The following PPP2R2C variants were observed in gnomAD, a reference collection of about 807,000 sequenced individuals.
The protein encoded by PPP2R2C is protein phosphatase 2, regulatory subunit B, gamma.
In PPP2R2C, 10 loss-of-function variants were observed where a neutral mutation model predicts 45.3. That is an observed-to-expected ratio of 0.22 (90% CI 0.14 to 0.37). PPP2R2C has a LOEUF of 0.37. Ranked by LOEUF, PPP2R2C falls within the 10% of genes least tolerant of loss-of-function variation. The pLI, the probability that PPP2R2C is intolerant of heterozygous loss-of-function variation, is 1.00. For missense variants in PPP2R2C, 308 were observed against 619.7 expected, an observed-to-expected ratio of 0.50 and a Z score of 5.34; for synonymous variants, 257 against 245.4, an observed-to-expected ratio of 1.05 and a Z score of -0.44.
At chr4:6,529,618 C>T (rs769125840) in intron 2 of PPP2R2C, among the ~76,000 whole-genome samples, 6 of 152,180 alleles carry the variant, frequency 3.9e-5, no homozygotes, top group Non-Finnish European at 8.8e-5. Flanking sequence ...ACTCCAAAGC[C>T]CCTACCCCAT....
At chr4:6,551,031 T>C (rs1211200890) in intron 1 of PPP2R2C, among the ~76,000 whole-genome samples, 1 of 152,198 alleles carries the variant, frequency 6.6e-6, no homozygotes, top group Admixed American at 6.5e-5. Context: ...TCCGGGGCCA[T>C]GGAGCCTGGT....
At position 6,329,228 on chromosome 4, in the gene PPP2R2C, G is replaced by C; in HGVS notation, c.1052+34C>G. On this transcript the variant is annotated intron_variant, in intron 8 of 8. Coordinates refer to ENST00000382599, the MANE Select transcript of PPP2R2C (RefSeq NM_020416.4). This position sits in a 1 kb window ranked among gnomAD's most constrained non-coding sequence, Gnocchi z 5.8. ...CTGCAGGGCAGAAACCCTCCCTACG[G>C]TGAGGTGAGGTGCGGGCTGAGGTCA... 6 of 1,590,150 alleles carry C rather than the reference G, an allele frequency of 3.8e-6. No homozygotes were observed. The highest frequency in any genetic ancestry group is 4.3e-6 in the Non-Finnish European group (5 of 1,159,236).
At chr4:6,498,634 G>A (rs1481688822) in intron 2 of PPP2R2C, among the ~76,000 whole-genome samples, 1 of 152,176 alleles carries the variant, frequency 6.6e-6, no homozygotes, top group African/African-American at 2.4e-5. Flanking sequence ...ACCCTGCAGT[G>A]CGAGCTCCAA....
At chr4:6,404,034 C>A (rs188408295) in intron 1 of PPP2R2C, among the ~76,000 whole-genome samples, 1 of 152,256 alleles carries the variant, frequency 6.6e-6, no homozygotes, top group Non-Finnish European at 1.5e-5. Flanking sequence ...TGTGACATGA[C>A]CTGCCTGTGG....
At chr4:6,355,930 G>A (rs1350427396) in intron 5 of PPP2R2C, among the ~76,000 whole-genome samples, 1 of 149,102 alleles carries the variant, frequency 6.7e-6, no homozygotes, top group Non-Finnish European at 1.5e-5. Context: ...GGAGGCAGAG[G>A]TTGCAGTGAG....
chr4:6,359,037 CAT>C (rs981207243), intron 5 of PPP2R2C, among the ~76,000 whole-genome samples: 1 of 152,184 alleles, frequency 6.6e-6, no homozygotes, highest in African/African-American at 2.4e-5. Flanking sequence ...TATAAAGACA[CAT>C]GCACATGTAT....
chr4:6,518,302 G>C, intron 2 of PPP2R2C, among the ~76,000 whole-genome samples: 1 of 152,150 alleles, frequency 6.6e-6, no homozygotes, highest in South Asian at 2.1e-4. Flanking sequence ...ATAAAAATTA[G>C]AGCATAAATA....
intron 1 of PPP2R2C, chr4:6,384,780 C>T (rs1047909575): frequency 2.7e-5 from 27 of 985,362 alleles, no homozygotes; most frequent in Middle Eastern, 5.2e-4. Flanking sequence ...CTGCGGGAGA[C>T]ACTACTGTGA....
At chr4:6,373,244 G>T (rs187951883) in intron 4 of PPP2R2C, among the ~76,000 whole-genome samples, 1 of 152,340 alleles carries the variant, frequency 6.6e-6, no homozygotes, top group Admixed American at 6.5e-5. Context: ...GATGGGGATG[G>T]AAGGATCCTG....
At chr4:6,448,358 G>A (rs919982420) in intron 1 of PPP2R2C, among the ~76,000 whole-genome samples, 1 of 152,118 alleles carries the variant, frequency 6.6e-6, no homozygotes, top group Non-Finnish European at 1.5e-5. Flanking sequence ...GTCACACGGA[G>A]AGGGGTATTG....
intron 2 of PPP2R2C, among the ~76,000 whole-genome samples, chr4:6,481,455 C>T (rs1027379382): frequency 2.0e-5 from 3 of 152,158 alleles, no homozygotes; most frequent in African/African-American, 7.2e-5. Context: ...CTTTTCTATA[C>T]GAAGTTCCCA....
chr4:6,560,288 T>A (rs192977986), intron 1 of PPP2R2C, among the ~76,000 whole-genome samples: 84 of 152,366 alleles, frequency 5.5e-4, no homozygotes, highest in African/African-American at 1.9e-3. Flanking sequence ...AACTTCTATG[T>A]TCTTCTGGAA....
chr4:6,374,154 G>T (rs6824477), intron 4 of PPP2R2C, among the ~76,000 whole-genome samples: 2,539 of 152,276 alleles, frequency 0.017, 74 homozygotes, highest in African/African-American at 0.058. Context: ...GGACTCTCAG[G>T]AGAGAGAGGG....
chr4:6,441,852 T>C (rs1443770766), intron 1 of PPP2R2C, among the ~76,000 whole-genome samples: 1 of 152,208 alleles, frequency 6.6e-6, no homozygotes, highest in Non-Finnish European at 1.5e-5. Flanking sequence ...CCTTCATCTG[T>C]ATTACTGGGT....
intron 1 of PPP2R2C, among the ~76,000 whole-genome samples, chr4:6,550,174 C>G (rs1251602444): frequency 1.3e-5 from 2 of 152,074 alleles, no homozygotes; most frequent in Non-Finnish European, 2.9e-5. Flanking sequence ...GCCTCCCCGT[C>G]CCCCACTGGT....
At chr4:6,500,856 G>A (rs1362486915) in intron 2 of PPP2R2C, among the ~76,000 whole-genome samples, 2 of 152,248 alleles carry the variant, frequency 1.3e-5, no homozygotes, top group African/African-American at 4.8e-5. Flanking sequence ...TGAGGGAGCT[G>A]GGTGTTCATG....
At chr4:6,449,065 T>C (rs193068622) in intron 1 of PPP2R2C, among the ~76,000 whole-genome samples, 1 of 152,012 alleles carries the variant, frequency 6.6e-6, no homozygotes, top group African/African-American at 2.4e-5. Flanking sequence ...CCAGAACCTG[T>C]CAGAAGGAAG....
chr4:6,441,872 C>A lies in PPP2R2C; in HGVS notation c.70+30288G>T, dbSNP rs181232055. Reference sequence around the variant, plus strand: ...ATCTGTATTACTGGGTATGGCCCCCCAGCACTGCGGTCAAAATTAAATGCC... The same window carrying A: ...ATCTGTATTACTGGGTATGGCCCCCAAGCACTGCGGTCAAAATTAAATGCC... On this transcript the variant is annotated intron_variant, in intron 1 of 8. Coordinates refer to ENST00000382599, the MANE Select transcript of PPP2R2C (RefSeq NM_020416.4). 8.4e-4 allele frequency among the ~76,000 whole-genome samples: 128 copies of A among 152,334 alleles called. 1 individual carries two copies. The highest frequency in any genetic ancestry group is 7.1e-3 in the Admixed American group (109 of 15,302).
intron 1 of PPP2R2C, among the ~76,000 whole-genome samples, chr4:6,462,443 T>C (rs4616830): frequency 0.64 from 97,395 of 151,860 alleles, 32,376 homozygotes; most frequent in East Asian, 0.85. Context: ...CACGCCATTG[T>C]ACTCCAGCCT....
Sources: allele counts gnomAD v4.1 joint callset (sites outside exome capture counted in the v4.1 genomes callset), GRCh38; gene constraint gnomAD v4.1.1; non-coding constraint Gnocchi (gnomAD v3.1); transcripts MANE v1.5; gene names NCBI Gene and HGNC (gene_info 2026-07-23, HGNC 2026-07-21).